Variants in CCDC92B observed in about 807,000 individuals in gnomAD.
CCDC92B encodes the protein coiled-coil domain containing 92B.
CCDC92B carries 2 observed loss-of-function variants against 5.6 expected under a neutral mutation model. The ratio of observed to expected loss-of-function variants is 0.36; its 90% CI spans 0.15 to 1.12. The LOEUF is 1.12. CCDC92B is among the 50% of genes most tolerant of loss of function. The pLI, the probability that CCDC92B is intolerant of heterozygous loss-of-function variation, is 0.40. For synonymous variants in CCDC92B, 115 were observed against 122.3 expected, an observed-to-expected ratio of 0.94 and a Z score of 0.39; for missense variants, 271 against 262.2, an observed-to-expected ratio of 1.03 and a Z score of -0.23.
At chr17:2,737,135 C>G (rs1597241610) in intron 1 of CCDC92B, among the ~76,000 whole-genome samples, 1 of 151,900 alleles carries the variant, frequency 6.6e-6, no homozygotes, top group Non-Finnish European at 1.5e-5. Flanking sequence ...CTTGGACAAG[C>G]AGAGGCAGAC....
chr17:2,742,859 G>A (rs951636817), intron 1 of CCDC92B, among the ~76,000 whole-genome samples: 1 of 152,136 alleles, frequency 6.6e-6, no homozygotes, highest in African/African-American at 2.4e-5. Context: ...CCACATTGCT[G>A]TTTGCCCACT....
chr17:2,733,826 T>C (rs923891955), intron 2 of CCDC92B, among the ~76,000 whole-genome samples: 11 of 134,384 alleles, frequency 8.2e-5, no homozygotes, highest in African/African-American at 2.7e-4. Context: ...GGCAACCATC[T>C]TGGCTCACCA....
chr17:2,738,771 A>AG, intron 1 of CCDC92B, among the ~76,000 whole-genome samples: 1 of 146,254 alleles, frequency 6.8e-6, no homozygotes, highest in East Asian at 2.0e-4. Context: ...AAAAAAAAAA[A>AG]AGAAAAAAGA....
chr17:2,736,026 A>G (rs2070853698), intron 1 of CCDC92B, among the ~76,000 whole-genome samples: 1 of 152,152 alleles, frequency 6.6e-6, no homozygotes, highest in Non-Finnish European at 1.5e-5. Flanking sequence ...CTTCAACTTC[A>G]CCACAGTCCA....
At chr17:2,743,437 A>G (rs2070947327) in intron 1 of CCDC92B, among the ~76,000 whole-genome samples, 1 of 152,352 alleles carries the variant, frequency 6.6e-6, no homozygotes, top group East Asian at 1.9e-4. Context: ...TCTCAAAACA[A>G]TAACAAAAAC....
rs143378556 is a variant in CCDC92B at position 2,729,367 on chromosome 17, G to A, written c.178+1079C>T. ...AATTAGCCGGTGGATGGTGGTGTGC[G>A]CCTGTTGTCTCAGCTACTTGGGAGG... is the stretch of plus-strand genomic sequence containing the variant. On this transcript the variant is annotated intron_variant, in intron 3 of 3. Transcript: ENST00000614400. Among the ~76,000 whole-genome samples, 14 of 152,052 alleles carry A rather than the reference G, an allele frequency of 9.2e-5. No individual in the cohort carries two copies. In the South Asian group the frequency reaches 1.0e-3, roughly 11 times the overall value.
At chr17:2,728,147 G>A (rs950505570) in intron 3 of CCDC92B, among the ~76,000 whole-genome samples, 2 of 148,232 alleles carry the variant, frequency 1.3e-5, no homozygotes, top group East Asian at 2.2e-4. Flanking sequence ...GTGACATGGC[G>A]AAACCCCTCT....
At chr17:2,733,744 CTTTTTTTTTTTTTTTTT>C (rs386385447) in intron 2 of CCDC92B, among the ~76,000 whole-genome samples, 3 of 49,306 alleles carry the variant, frequency 6.1e-5, no homozygotes, top group African/African-American at 8.7e-5. Context: ...GGACCACTGG[CTTTTTTTTTTTTTTTTT>C]TTTTTTTTTT....
chr17:2,729,362 T>C (rs889119053), intron 3 of CCDC92B, among the ~76,000 whole-genome samples: 19 of 152,120 alleles, frequency 1.2e-4, no homozygotes, highest in African/African-American at 3.4e-4. Flanking sequence ...TGGATGGTGG[T>C]GTGCGCCTGT....
At chr17:2,726,125 A>G (rs1597232622) in intron 3 of CCDC92B, among the ~76,000 whole-genome samples, 1 of 147,314 alleles carries the variant, frequency 6.8e-6, no homozygotes. Flanking sequence ...CCTCCCAAGT[A>G]GCTGGGATTA....
intron 2 of CCDC92B, among the ~76,000 whole-genome samples, chr17:2,734,683 T>C (rs767299463): frequency 6.6e-6 from 1 of 151,826 alleles, no homozygotes; most frequent in African/African-American, 2.4e-5. Flanking sequence ...AGAGATGGGG[T>C]TTCACCATGT....
chr17:2,738,758 C>CA (rs533157087), intron 1 of CCDC92B, among the ~76,000 whole-genome samples: 1,920 of 89,668 alleles, frequency 0.021, 26 homozygotes, highest in African/African-American at 0.034. Context: ...AGACTCGTCT[C>CA]AAAAAAAAAA....
chr17:2,745,432 A>G (rs989444507), intron 1 of CCDC92B, among the ~76,000 whole-genome samples: 1 of 152,180 alleles, frequency 6.6e-6, no homozygotes, highest in Non-Finnish European at 1.5e-5. Context: ...GACTGAGCCA[A>G]CCAGCTGTTT....
chr17:2,723,537 G>A lies in CCDC92B; in HGVS notation c.*874C>T, dbSNP rs1164926652. 2 of 152,378 alleles carry A rather than the reference G, an allele frequency of 1.3e-5. No homozygotes were observed. The highest frequency in any genetic ancestry group is 4.8e-5 in the African/African-American group (2 of 41,550). 9.4% of individuals were successfully genotyped at this position (152,378 alleles called of 1,614,324 possible). A position where few individuals can be genotyped will look rare whatever the true frequency, so the allele number is the denominator to read the frequency against. ...CTGGGTGCAGCCAGCTGATTAGGAA[G>A]CCGAGCAACATTAGCACCAATAAAC... On this transcript the variant is annotated 3_prime_UTR_variant, in exon 4 of 4. Transcript: ENST00000614400.
At chr17:2,730,360 G>T (rs528051535) in intron 3 of CCDC92B, 86 bp downstream of exon 3, 3 of 763,246 alleles carry the variant, frequency 3.9e-6, no homozygotes, top group Non-Finnish European at 4.8e-6. Context: ...GCTGGGGACA[G>T]AGAAGGTTTG....
At chr17:2,739,159 A>G (rs1295910645) in intron 1 of CCDC92B, among the ~76,000 whole-genome samples, 1 of 151,520 alleles carries the variant, frequency 6.6e-6, no homozygotes, top group Non-Finnish European at 1.5e-5. Context: ...CGAGGTCAGG[A>G]GATCGAGACC....
chr17:2,729,505 A>AAG (rs1555535055), intron 3 of CCDC92B, among the ~76,000 whole-genome samples: 31 of 151,850 alleles, frequency 2.0e-4, no homozygotes, highest in South Asian at 1.5e-3. Flanking sequence ...AAAAAAAAAA[A>AAG]AAAAAAAAAT....
In CCDC92B at chr17:2,748,489, A is replaced by G. The variant is rs886313703; in HGVS notation, c.-24+922T>C. On this transcript the variant is annotated intron_variant, in intron 1 of 3. Transcript: ENST00000614400. ...ACGCACCTGGCTTCCGTGCAAAGCCATAAGTCTTCATCGTGTTTGTGTGTG... is the reference window on the plus strand; with the variant it reads ...ACGCACCTGGCTTCCGTGCAAAGCCGTAAGTCTTCATCGTGTTTGTGTGTG... 1.9e-5 allele frequency: 18 copies of G among 952,264 alleles called. No individual in the cohort carries two copies. The African/African-American group carries it at 2.8e-4, about 15-fold the overall frequency. The allele number at this position is 952,264 out of a possible 1,614,324, so 59.0% of individuals were successfully genotyped here.
intron 2 of CCDC92B, among the ~76,000 whole-genome samples, chr17:2,732,724 A>G (rs115352621): frequency 6.7e-6 from 1 of 149,842 alleles, no homozygotes; most frequent in African/African-American, 2.5e-5. Context: ...TGTAAAAATT[A>G]AAAAAAAGGC....
Sources: gnomAD v4.1 joint callset for allele counts (sites outside exome capture counted in the v4.1 genomes callset) on GRCh38, gnomAD v4.1.1 for gene constraint, MANE v1.5 for transcripts, NCBI Gene and HGNC (gene_info 2026-07-23, HGNC 2026-07-21) for gene names.